SGCD: variants seen among roughly 807,000 people sequenced by gnomAD.
SGCD encodes the protein sarcoglycan delta.
SGCD carries 18 observed loss-of-function variants against 36.6 expected under a neutral mutation model. The ratio of observed to expected loss-of-function variants is 0.49; its 90% confidence interval spans 0.34 to 0.73. SGCD has a LOEUF of 0.73. Ranked by LOEUF, SGCD falls within the 30% of genes least tolerant of loss-of-function variation. SGCD has a pLI of 0.01. For synonymous variants in SGCD, 133 were observed against 130.6 expected, an observed-to-expected ratio of 1.02 and a Z score of -0.12; for missense variants, 387 against 346.7, an observed-to-expected ratio of 1.12 and a Z score of -0.92.
the SGCD span, among the ~76,000 whole-genome samples, chr5:155,796,130 T>TA: frequency 6.6e-6 from 1 of 152,162 alleles, no homozygotes; most frequent in Non-Finnish European, 1.5e-5. Flanking sequence ...GGGCACTGCA[T>TA]ACAATCATGA....
At chr5:156,530,624 G>C (rs1283554477) in intron 4 of SGCD, among the ~76,000 whole-genome samples, 2 of 149,224 alleles carry the variant, frequency 1.3e-5, no homozygotes, top group African/African-American at 2.5e-5. Flanking sequence ...CTGTTGCCCA[G>C]GCTGGAATGC....
intron 6 of SGCD, among the ~76,000 whole-genome samples, chr5:156,603,340 GCTAA>G (rs1761278548): frequency 6.6e-6 from 1 of 151,730 alleles, no homozygotes; most frequent in African/African-American, 2.4e-5. Context: ...TATTAATCTA[GCTAA>G]ATATTTGTCA....
intron 2 of SGCD, among the ~76,000 whole-genome samples, chr5:156,123,066 G>A (rs1762084899): frequency 6.6e-6 from 1 of 151,970 alleles, no homozygotes; most frequent in South Asian, 2.1e-4. Context: ...GAGGGCTTTA[G>A]TATTTTCCAG....
chr5:156,273,589 C>T (rs942254966), intron 3 of SGCD, among the ~76,000 whole-genome samples: 1 of 152,130 alleles, frequency 6.6e-6, no homozygotes, highest in Non-Finnish European at 1.5e-5. Flanking sequence ...CTCTTCTGAC[C>T]TTTGCAAGAG....
In SGCD at chr5:156,665,035, G is replaced by C. The variant is rs930963706; in HGVS notation, c.575+17499G>C. 2.8e-4 allele frequency among the ~76,000 whole-genome samples: 42 copies of C among 150,668 alleles called. 1 individual carries two copies. The highest frequency in any genetic ancestry group is 5.8e-4 in the Non-Finnish European group (39 of 67,792). On this transcript the variant is annotated intron_variant, in intron 7 of 8. Coordinates refer to ENST00000337851, the MANE Select transcript of SGCD (RefSeq NM_000337.6). ...TGCCATAGGATTAAGTCTCCTAGTG[G>C]GCGGCTGATGGTATGGCGCCCTGCC...
chr5:156,243,817 A>C (rs983543313), intron 3 of SGCD, among the ~76,000 whole-genome samples: 2 of 152,230 alleles, frequency 1.3e-5, no homozygotes, highest in Non-Finnish European at 2.9e-5. Flanking sequence ...AAGGATCCAG[A>C]GGCCAGTTCA....
At chr5:156,271,636 T>A (rs568932302) in intron 3 of SGCD, among the ~76,000 whole-genome samples, 1 of 152,056 alleles carries the variant, frequency 6.6e-6, no homozygotes, top group South Asian at 2.1e-4. Flanking sequence ...TGTGTGTATG[T>A]GTGTGTGTGT....
At chr5:156,683,235 T>C (rs1239475472) in intron 7 of SGCD, among the ~76,000 whole-genome samples, 6 of 152,226 alleles carry the variant, frequency 3.9e-5, no homozygotes, top group African/African-American at 1.4e-4. Context: ...GTTGATAAAC[T>C]ACATAAGCTT....
chr5:156,254,803 C>T (rs759796891), intron 3 of SGCD, among the ~76,000 whole-genome samples: 22 of 152,164 alleles, frequency 1.4e-4, no homozygotes, highest in Non-Finnish European at 2.5e-4. Context: ...GCTATGATTA[C>T]GTCACTGCAC....
chr5:156,593,383 GACAAA>G (rs1484234772), intron 5 of SGCD, among the ~76,000 whole-genome samples: 1 of 152,074 alleles, frequency 6.6e-6, no homozygotes, highest in East Asian at 1.9e-4. Context: ...GATGGATCAA[GACAAA>G]ACAACACAAA....
chr5:156,552,208 T>C (rs1758827739), intron 4 of SGCD, among the ~76,000 whole-genome samples: 1 of 152,202 alleles, frequency 6.6e-6, no homozygotes, highest in Non-Finnish European at 1.5e-5. Flanking sequence ...TTTCCCTCTT[T>C]ATTTCCCCTG....
At chr5:155,946,483 A>C (rs1191274174) in intron 1 of SGCD, among the ~76,000 whole-genome samples, 1 of 152,096 alleles carries the variant, frequency 6.6e-6, no homozygotes, top group Non-Finnish European at 1.5e-5. Flanking sequence ...ATGGTTGATA[A>C]ATGTGAAGAC....
chr5:155,872,380 C>CAA (rs1461100641), intron 1 of SGCD, among the ~76,000 whole-genome samples: 1 of 151,974 alleles, frequency 6.6e-6, no homozygotes, highest in East Asian at 1.9e-4. Context: ...CACACACACA[C>CAA]ACACACTCTC....
At chr5:156,123,555 TATC>T (rs1279795344) in intron 2 of SGCD, among the ~76,000 whole-genome samples, 3 of 152,176 alleles carry the variant, frequency 2.0e-5, no homozygotes, top group Non-Finnish European at 2.9e-5. Context: ...GACAATGAAT[TATC>T]ATGGAAAATC....
chr5:156,101,941 T>TGTGTGTGTGAGA (rs1218348339), intron 1 of SGCD, among the ~76,000 whole-genome samples: 4 of 138,266 alleles, frequency 2.9e-5, no homozygotes, highest in Admixed American at 7.3e-5. Context: ...TGTGTGTGTG[T>TGTGTGTGTGAGA]GAGAGAGAGA....
intron 3 of SGCD, among the ~76,000 whole-genome samples, chr5:156,446,062 A>C (rs1241078252): frequency 1.3e-5 from 2 of 152,140 alleles, no homozygotes; most frequent in African/African-American, 2.4e-5. Context: ...CAGTAGCCTC[A>C]GTGCCTGGCA....
At chr5:155,729,907 C>G in the SGCD span, among the ~76,000 whole-genome samples, 1 of 152,174 alleles carries the variant, frequency 6.6e-6, no homozygotes, top group Non-Finnish European at 1.5e-5. Context: ...GAGCCATGGC[C>G]TTCCCCACGA....
rs28613200 is a variant in SGCD, at chr5:155,976,906, G to A, written c.-282+106482G>A. On this transcript the variant is annotated intron_variant, in intron 1 of 9. Coordinates refer to the SGCD transcript ENST00000517913. ...TTACCATTGTCTTTCACTGTTGCCGGTTTTGTCCCCTCCTTCATTTTCTAG... is the reference window on the plus strand; with the variant it reads ...TTACCATTGTCTTTCACTGTTGCCGATTTTGTCCCCTCCTTCATTTTCTAG... Among the ~76,000 whole-genome samples the A allele has an allele frequency of 2.9e-3, 438 of 152,180 alleles. 2 individuals are homozygous for A. The highest frequency in any genetic ancestry group is 0.01 in the African/African-American group (418 of 41,500).
intron 3 of SGCD, among the ~76,000 whole-genome samples, chr5:156,352,052 G>A (rs1235432050): frequency 6.6e-6 from 1 of 152,146 alleles, no homozygotes; most frequent in Non-Finnish European, 1.5e-5. Flanking sequence ...TCCCTAGGCT[G>A]TATGAAGTCT....
Sources: gnomAD v4.1 joint callset for allele counts (sites outside exome capture counted in the v4.1 genomes callset) on GRCh38, gnomAD v4.1.1 for gene constraint, MANE v1.5 for transcripts, NCBI Gene and HGNC (gene_info 2026-07-23, HGNC 2026-07-21) for gene names.